Variants in PMFBP1 observed in about 807,000 individuals in gnomAD.
PMFBP1 encodes polyamine-modulated factor 1-binding protein 1.
PMFBP1 carries 131 observed loss-of-function variants against 137.8 expected under a neutral mutation model. The ratio of observed to expected loss-of-function variants is 0.95; its 90% CI spans 0.82 to 1.10. The LOEUF (loss-of-function observed/expected upper bound fraction) is 1.10. Among genes scored for constraint, PMFBP1 ranks in the 50% least tolerant of loss-of-function variants. PMFBP1 has a pLI of 0.00. For synonymous variants in PMFBP1, 490 were observed against 450.4 expected, an observed-to-expected ratio of 1.09 and a Z score of -1.11; for missense variants, 1,199 against 1,175.4, an observed-to-expected ratio of 1.02 and a Z score of -0.29.
Position 72,123,470 on chromosome 16 carries a change from A to T in PMFBP1, c.2693+76T>A, listed in dbSNP as rs550933601. On this transcript the variant is annotated intron_variant, in intron 18 of 20. Coordinates refer to ENST00000237353, the MANE Select transcript of PMFBP1 (RefSeq NM_031293.3). ...CAGGAGTGCAGGGGTGTGTGTGACT[A>T]ATCTTTGGCACGCATGTGGCTCCTC... 4 of 1,274,388 alleles carry T rather than the reference A, an allele frequency of 3.1e-6. No homozygotes were observed. In the South Asian group the frequency reaches 3.9e-5, roughly 12 times the overall value. 78.9% of individuals were successfully genotyped at this position (1,274,388 alleles called of 1,614,324 possible). A position where few individuals can be genotyped will look rare whatever the true frequency, so the allele number is the denominator to read the frequency against.
chr16:72,231,436 G>A, the PMFBP1 span, among the ~76,000 whole-genome samples: 2 of 152,154 alleles, frequency 1.3e-5, no homozygotes, highest in Non-Finnish European at 2.9e-5. Context: ...GAAGGTTAAA[G>A]GGAAAACAGT....
chr16:72,150,145 T>C (rs193125396), intron 5 of PMFBP1, among the ~76,000 whole-genome samples: 7 of 152,340 alleles, frequency 4.6e-5, no homozygotes, highest in African/African-American at 1.7e-4. Context: ...AAGTTGTGGT[T>C]TGCATGAGTC....
Position 72,124,894 on chromosome 16 carries a change from T to TGGCA in PMFBP1, c.2458_2461dup (p.Gln821LeufsTer13), listed in dbSNP as rs2042430377. ...GTGTTGCTTCTGCCACTGCAGCACCTGGCAGCTCATCTCCTCTAGCTTCTT... is the reference window on the plus strand; with the variant it reads ...GTGTTGCTTCTGCCACTGCAGCACCTGGCAGGCAGCTCATCTCCTCTAGCTTCTT... On this transcript the variant is annotated frameshift_variant, in exon 17 of 21. Transcript: ENST00000237353. LOFTEE classifies it high-confidence loss of function. 1 of 1,614,098 alleles carries TGGCA rather than the reference T, an allele frequency of 6.2e-7. No homozygotes were observed.
chr16:72,213,645 C>G, the PMFBP1 span, among the ~76,000 whole-genome samples: 4 of 152,202 alleles, frequency 2.6e-5, no homozygotes, highest in Non-Finnish European at 5.9e-5. Flanking sequence ...CCAGCTAATC[C>G]AAGTCTGGTT....
chr16:72,164,812 G>C lies in PMFBP1; in HGVS notation c.117C>G (p.Thr39=). The C allele has an allele frequency of 6.2e-7, 1 of 1,607,558 alleles. No homozygotes were observed. The highest frequency in any genetic ancestry group is 8.5e-7 in the Non-Finnish European group (1 of 1,174,604). The change falls in exon 3 of 21, where the codon ACC becomes ACG. Residue 39 remains threonine, a synonymous_variant. Coordinates refer to ENST00000237353, the MANE Select transcript of PMFBP1 (RefSeq NM_031293.3). ...LHDVCKRQRK[T]LQDNQLCMEE... is the part of the protein sequence containing the mutation. ...CCATGCAGAGCTGATTGTCCTGCAA[G>C]GTCTTCCTCTGTCTCTTGCAGACAT...
At chr16:72,207,850 G>A in the PMFBP1 span, among the ~76,000 whole-genome samples, 1 of 152,232 alleles carries the variant, frequency 6.6e-6, no homozygotes, top group African/African-American at 2.4e-5. Flanking sequence ...GCAAGAAGGA[G>A]ACCCAGGAGA....
chr16:72,234,875 T>C, the PMFBP1 span, among the ~76,000 whole-genome samples: 12 of 152,188 alleles, frequency 7.9e-5, no homozygotes, highest in Admixed American at 3.9e-4. Context: ...CCTTTGCCCA[T>C]TTAAAAATTG....
At position 72,124,705 on chromosome 16, in the gene PMFBP1, G is replaced by A. The variant is rs1398872022; in HGVS notation, c.2589+62C>T. On this transcript the variant is annotated intron_variant, in intron 17 of 20. Transcript: ENST00000237353. ...CCACCAAGGGCTGTCTGGCATTTGG[G>A]TGGTCATAGGATGTGCCTGGAGGCA... 3.3e-5 allele frequency: 51 copies of A among 1,556,782 alleles called. No homozygotes were observed. In the East Asian group the frequency reaches 1.2e-3, roughly 35 times the overall value.
chr16:72,175,002 G>A (rs2043252688), upstream of PMFBP1, among the ~76,000 whole-genome samples: 1 of 152,050 alleles, frequency 6.6e-6, no homozygotes, highest in South Asian at 2.1e-4. Flanking sequence ...ACAAACACAT[G>A]CACACACATA....
rs550897913 is a variant in PMFBP1, at chr16:72,129,396, A to AT, written c.1783-164dup. 3.3e-5 allele frequency among the ~76,000 whole-genome samples: 5 copies of AT among 152,280 alleles called. No individual in the cohort carries two copies. The South Asian group carries it at 1.0e-3, about 32-fold the overall frequency. ...AAAGGTTTCCTCCAACGCCTGTAAC[A>AT]TTTTTTCTTTGTTCAGTCAGATATA... On this transcript the variant is annotated intron_variant, in intron 12 of 20. Coordinates refer to ENST00000237353, the MANE Select transcript of PMFBP1 (RefSeq NM_031293.3).
the PMFBP1 span, among the ~76,000 whole-genome samples, chr16:72,244,592 G>C: frequency 6.6e-6 from 1 of 152,134 alleles, no homozygotes; most frequent in Admixed American, 6.5e-5. Flanking sequence ...CAAGAGCAAT[G>C]GGTGGTTAAG....
chr16:72,234,419 A>G, the PMFBP1 span, among the ~76,000 whole-genome samples: 1 of 152,154 alleles, frequency 6.6e-6, no homozygotes, highest in Non-Finnish European at 1.5e-5. Context: ...GAGTTGACCT[A>G]TTCTCATTAT....
At chr16:72,218,576 C>T in the PMFBP1 span, among the ~76,000 whole-genome samples, 6 of 152,078 alleles carry the variant, frequency 3.9e-5, no homozygotes, top group Non-Finnish European at 8.8e-5. Flanking sequence ...CCACCGCACC[C>T]GGCCTAATAC....
intron 5 of PMFBP1, among the ~76,000 whole-genome samples, chr16:72,144,149 C>T (rs2042767027): frequency 6.6e-6 from 1 of 151,992 alleles, no homozygotes; most frequent in Admixed American, 6.6e-5. Flanking sequence ...GTGAGATCTA[C>T]AGAGAAAAGT....
Position 72,140,478 on chromosome 16 carries a change from T to G in PMFBP1, c.741A>C (p.Gln247His). The change falls in exon 6 of 21, where the codon CAA becomes CAC. Residue 247 changes from glutamine (Q) to histidine (H), a missense_variant. Transcript: ENST00000237353. ...ETQKRLSEVW[Q>H]KVSQQDDLIQ... ...TGAGATCATCCTGTTGAGAGACCTTTTGCCAGACTTCAGACAGTCGTTTCT... is the reference window on the plus strand; with the variant it reads ...TGAGATCATCCTGTTGAGAGACCTTGTGCCAGACTTCAGACAGTCGTTTCT... The G allele has an allele frequency of 2.5e-6, 4 of 1,614,008 alleles. No homozygotes were observed. The highest frequency in any genetic ancestry group is 3.4e-6 in the Non-Finnish European group (4 of 1,179,856).
At chr16:72,121,521 A>C (rs2042376993) in intron 19 of PMFBP1, among the ~76,000 whole-genome samples, 2 of 152,232 alleles carry the variant, frequency 1.3e-5, no homozygotes, top group Admixed American at 1.3e-4. Context: ...GGGTGCCACG[A>C]ATGGATTCCA....
chr16:72,194,195 C>CT, the PMFBP1 span, among the ~76,000 whole-genome samples: 1 of 152,144 alleles, frequency 6.6e-6, no homozygotes, highest in South Asian at 2.1e-4. Flanking sequence ...ATTTCAACAT[C>CT]TATATTTAAA....
Position 72,155,321 on chromosome 16 carries a change from C to T in PMFBP1, c.166-862G>A, listed in dbSNP as rs1235587915. Among the ~76,000 whole-genome samples, 3 of 152,162 alleles carry T rather than the reference C, an allele frequency of 2.0e-5. No homozygotes were observed. The East Asian group carries it at 5.8e-4, about 29-fold the overall frequency. On this transcript the variant is annotated intron_variant, in intron 3 of 20. Coordinates refer to ENST00000237353, the MANE Select transcript of PMFBP1 (RefSeq NM_031293.3). Reference sequence around the variant, plus strand: ...TTAGCATCCAACCCTGCTTATTATCCTCCTACACATTCTTTAAGTTTCTGT... The same window carrying T: ...TTAGCATCCAACCCTGCTTATTATCTTCCTACACATTCTTTAAGTTTCTGT...
At chr16:72,179,590 T>C (rs1367409528), upstream of PMFBP1, among the ~76,000 whole-genome samples, 1 of 149,234 alleles carries the variant, frequency 6.7e-6, no homozygotes, top group African/African-American at 2.5e-5. Context: ...GTGAAGTATT[T>C]TTGTTAAAAA....
Sources: gnomAD v4.1 joint callset for allele counts (sites outside exome capture counted in the v4.1 genomes callset) on GRCh38, gnomAD v4.1.1 for gene constraint, MANE v1.5 for transcripts, NCBI Gene and HGNC (gene_info 2026-07-23, HGNC 2026-07-21) for gene names.